Variants in NXPE2 observed in about 807,000 individuals in gnomAD.
NXPE2 encodes neurexophilin and PC-esterase domain family member 2.
NXPE2 carries 34 observed loss-of-function variants against 34.4 expected under a neutral mutation model. That is an observed-to-expected ratio of 0.99 (90% CI 0.75 to 1.31). The LOEUF is 1.31. NXPE2 is among the 40% of genes most tolerant of loss of function. The pLI is 0.00. For missense variants in NXPE2, 649 were observed against 672.5 expected (o/e 0.97, Z 0.39); for synonymous variants, 235 against 231.3 (o/e 1.02, Z -0.15).
At chr11:114,515,036 T>C in the NXPE2 span, among the ~76,000 whole-genome samples, 1 of 152,138 alleles carries the variant, frequency 6.6e-6, no homozygotes, top group African/African-American at 2.4e-5. Context: ...TGTCATAGTA[T>C]ATAATATTTA....
At chr11:114,660,919 G>GT in the NXPE2 span, among the ~76,000 whole-genome samples, 3 of 151,998 alleles carry the variant, frequency 2.0e-5, no homozygotes, top group East Asian at 1.9e-4. Context: ...TTAATATAAA[G>GT]TTTTTTTTAG....
At chr11:114,613,918 C>T in the NXPE2 span, among the ~76,000 whole-genome samples, 27 of 151,916 alleles carry the variant, frequency 1.8e-4, 1 homozygote, top group Admixed American at 4.6e-4. Context: ...CCACTGTTAC[C>T]CAGTGGATAA....
the NXPE2 span, among the ~76,000 whole-genome samples, chr11:114,577,378 G>C: frequency 1.3e-5 from 2 of 151,760 alleles, no homozygotes; most frequent in African/African-American, 2.4e-5. Context: ...GAATGATACA[G>C]TGGACTTTGA....
At chr11:114,593,422 G>T in the NXPE2 span, among the ~76,000 whole-genome samples, 3 of 152,004 alleles carry the variant, frequency 2.0e-5, no homozygotes, top group Non-Finnish European at 2.9e-5. Context: ...TATATGAAAA[G>T]GTGCTCAACA....
the NXPE2 span, among the ~76,000 whole-genome samples, chr11:114,753,169 G>A: frequency 8.5e-5 from 13 of 152,150 alleles, no homozygotes; most frequent in Admixed American, 8.5e-4. Flanking sequence ...CACTTTCAGA[G>A]GCCCTTGGGT....
At chr11:114,533,316 A>G in the NXPE2 span, among the ~76,000 whole-genome samples, 1 of 152,196 alleles carries the variant, frequency 6.6e-6, no homozygotes, top group Non-Finnish European at 1.5e-5. Flanking sequence ...TGGAGCCAAG[A>G]TGGCAGAATA....
the NXPE2 span, among the ~76,000 whole-genome samples, chr11:114,544,937 C>T: frequency 1.7e-4 from 26 of 152,046 alleles, no homozygotes; most frequent in Admixed American, 1.2e-3. Flanking sequence ...AGAAGAGACA[C>T]GCATTACAAC....
At chr11:114,536,716 C>G in the NXPE2 span, among the ~76,000 whole-genome samples, 1 of 152,176 alleles carries the variant, frequency 6.6e-6, no homozygotes, top group Non-Finnish European at 1.5e-5. Context: ...CATACACTCT[C>G]CCAAGACAAA....
At chr11:114,624,925 G>T in the NXPE2 span, among the ~76,000 whole-genome samples, 2 of 151,924 alleles carry the variant, frequency 1.3e-5, no homozygotes, top group African/African-American at 4.8e-5. Context: ...ACTGTTACCT[G>T]GTGGATAATA....
At chr11:114,769,120 AAAC>A in the NXPE2 span, among the ~76,000 whole-genome samples, 5 of 152,266 alleles carry the variant, frequency 3.3e-5, no homozygotes, top group South Asian at 4.1e-4. Context: ...CAAGAAAAAA[AAAC>A]AACCCCATCA....
chr11:114,748,209 G>T, the NXPE2 span, among the ~76,000 whole-genome samples: 1 of 151,894 alleles, frequency 6.6e-6, no homozygotes, highest in Non-Finnish European at 1.5e-5. Context: ...CAGAAAATTT[G>T]CAGGTATGGT....
the NXPE2 span, among the ~76,000 whole-genome samples, chr11:114,577,022 T>TAC: frequency 3.7e-5 from 1 of 27,242 alleles, no homozygotes; most frequent in Non-Finnish European, 6.3e-5. Context: ...TATATATATA[T>TAC]ATATACATAT....
the NXPE2 span, among the ~76,000 whole-genome samples, chr11:114,564,620 C>T: frequency 7.2e-5 from 11 of 152,164 alleles, no homozygotes; most frequent in East Asian, 1.7e-3. Flanking sequence ...TATGCCTACA[C>T]CACCTGGGAC....
the NXPE2 span, among the ~76,000 whole-genome samples, chr11:114,733,238 C>T: frequency 1.3e-5 from 2 of 152,186 alleles, 1 homozygote. Context: ...GGACTACAGG[C>T]GCCCACCAAC....
In NXPE2 at chr11:114,705,948, G is replaced by T; in HGVS notation, c.1096G>T (p.Asp366Tyr). 2 of 1,528,362 alleles carry T rather than the reference G, an allele frequency of 1.3e-6. No individual in the cohort carries two copies. The highest frequency in any genetic ancestry group is 1.8e-6 in the Non-Finnish European group (2 of 1,137,172). 94.7% of individuals were successfully genotyped at this position (1,528,362 alleles called of 1,614,324 possible). Residue 366 changes from aspartate (D) to tyrosine (Y), a missense_variant, in exon 5 of 6, where the codon GAT (aspartate) becomes TAT (tyrosine). By Grantham distance (160) the Asp-to-Tyr change is radical. Coordinates refer to ENST00000389586, the MANE Select transcript of NXPE2 (RefSeq NM_182495.6). ...AAGAAAACTTATTTATCTCATGGGA[G>T]ATTCAACACTGCATCAGTGGATTTA... ...LERKLIYLMGDSTLHQWIYYL... is the reference protein window; with the variant it reads ...LERKLIYLMGYSTLHQWIYYL...
At chr11:114,608,983 A>G in the NXPE2 span, among the ~76,000 whole-genome samples, 1 of 150,918 alleles carries the variant, frequency 6.6e-6, no homozygotes, top group Non-Finnish European at 1.5e-5. Context: ...CTCGTGGGTA[A>G]CCACTGTTGC....
At chr11:114,651,193 T>A in the NXPE2 span, among the ~76,000 whole-genome samples, 1 of 152,112 alleles carries the variant, frequency 6.6e-6, no homozygotes. Context: ...CCCTCGCGGT[T>A]GAGTGTTACA....
At chr11:114,551,422 T>C in the NXPE2 span, 1 of 1,313,684 alleles carries the variant, frequency 7.6e-7, no homozygotes, top group South Asian at 2.2e-5. Context: ...TCAGGATTGT[T>C]GCTTCCTCCT....
the NXPE2 span, among the ~76,000 whole-genome samples, chr11:114,602,049 A>C: frequency 1.3e-4 from 12 of 91,776 alleles, no homozygotes; most frequent in East Asian, 2.7e-3. Context: ...AATATATATT[A>C]TATTATATAT....
Sources: allele counts gnomAD v4.1 joint callset (sites outside exome capture counted in the v4.1 genomes callset), GRCh38; gene constraint gnomAD v4.1.1; transcripts MANE v1.5; gene names NCBI Gene and HGNC (gene_info 2026-07-23, HGNC 2026-07-21).